The following PTPRD variants were observed in gnomAD, a reference collection of about 807,000 sequenced individuals.
PTPRD encodes the protein protein tyrosine phosphatase receptor type D.
In PTPRD, 34 loss-of-function variants were observed where a neutral mutation model predicts 214.5. The ratio of observed to expected loss-of-function variants is 0.16; its 90% CI spans 0.12 to 0.21. PTPRD has a LOEUF of 0.21. Ranked by LOEUF, PTPRD falls within the 10% of genes least tolerant of loss-of-function variation. The pLI, the probability that PTPRD is intolerant of heterozygous loss-of-function variation, is 1.00. For missense variants in PTPRD, 2,545 were observed against 2,398.7 expected (o/e 1.06, Z -1.27); for synonymous variants, 1,128 against 845.7 (o/e 1.33, Z -5.79).
In PTPRD at chr9:10,220,520, G is replaced by A. The variant is rs563419096; in HGVS notation, c.-545+120443C>T. ...GAAAGTTAAATGGTGAAAACATTTT[G>A]CATCAAATGATTAATAAATCACAAG... On this transcript the variant is annotated intron_variant, in intron 3 of 45. Coordinates refer to ENST00000381196, the MANE Select transcript of PTPRD (RefSeq NM_002839.4). Among the ~76,000 whole-genome samples the A allele has an allele frequency of 3.0e-4, 46 of 151,940 alleles. 1 individual carries two copies. In the South Asian group the frequency reaches 9.1e-3, roughly 30 times the overall value.
chr9:10,014,105 T>C (rs1475649521), intron 4 of PTPRD, among the ~76,000 whole-genome samples: 1 of 151,998 alleles, frequency 6.6e-6, no homozygotes, highest in Admixed American at 6.6e-5. Context: ...AATGGTATCG[T>C]AAAAGACTAG....
chr9:8,390,930 A>G (rs551750763), intron 36 of PTPRD, among the ~76,000 whole-genome samples: 1 of 152,350 alleles, frequency 6.6e-6, no homozygotes, highest in South Asian at 2.1e-4. Context: ...CTACAGAAAC[A>G]TGAATTTCAT....
intron 14 of PTPRD, among the ~76,000 whole-genome samples, chr9:8,613,791 A>C (rs1352852414): frequency 1.3e-5 from 2 of 152,178 alleles, no homozygotes; most frequent in Non-Finnish European, 2.9e-5. Flanking sequence ...CAGTTTCATA[A>C]CTGGTTTAGT....
chr9:9,032,978 T>C (rs1184227708), intron 10 of PTPRD, among the ~76,000 whole-genome samples: 1 of 152,130 alleles, frequency 6.6e-6, no homozygotes, highest in African/African-American at 2.4e-5. Context: ...CTTCATATTA[T>C]TGAAATGTGG....
rs777174424 is a variant in PTPRD at position 8,499,847 on chromosome 9, C to A, written c.2129-7G>T. 9.4e-6 allele frequency: 15 copies of A among 1,600,868 alleles called. No homozygotes were observed. In the Admixed American group the frequency reaches 2.1e-4, roughly 22 times the overall value. On this transcript the variant is annotated splice_region_variant and splice_polypyrimidine_tract_variant and intron_variant, in intron 24 of 45. Transcript: ENST00000381196. ...CGAGGAGGACCACTAGGAACTGGAA[C>A]AACATCATTGGATAAAAGAAATTAT...
chr9:9,328,271 T>C (rs1038183670), intron 9 of PTPRD, among the ~76,000 whole-genome samples: 6 of 152,132 alleles, frequency 3.9e-5, no homozygotes, highest in African/African-American at 1.2e-4. Flanking sequence ...CACTGCCAAA[T>C]AGTGGCATGT....
intron 9 of PTPRD, among the ~76,000 whole-genome samples, chr9:9,387,225 A>C (rs1047701375): frequency 1.6e-4 from 25 of 152,308 alleles, no homozygotes; most frequent in African/African-American, 5.8e-4. Context: ...GACCCAGAGA[A>C]ATAAATGTTT....
At chr9:9,829,093 T>A (rs1476981200) in intron 5 of PTPRD, among the ~76,000 whole-genome samples, 1 of 151,882 alleles carries the variant, frequency 6.6e-6, no homozygotes, top group Non-Finnish European at 1.5e-5. Context: ...AAACATATTT[T>A]ACATTTATCT....
chr9:9,712,488 C>T (rs1276340953), intron 7 of PTPRD, among the ~76,000 whole-genome samples: 1 of 152,150 alleles, frequency 6.6e-6, no homozygotes, highest in Non-Finnish European at 1.5e-5. Flanking sequence ...CAGTCAAAAA[C>T]ACATTGAACC....
At chr9:8,572,335 C>A (rs1335260739) in intron 14 of PTPRD, among the ~76,000 whole-genome samples, 1 of 151,984 alleles carries the variant, frequency 6.6e-6, no homozygotes, top group Non-Finnish European at 1.5e-5. Flanking sequence ...CCATGATATT[C>A]TCTTAACATA....
intron 7 of PTPRD, among the ~76,000 whole-genome samples, chr9:9,662,690 A>G (rs1213899426): frequency 6.6e-6 from 1 of 151,640 alleles, no homozygotes; most frequent in Non-Finnish European, 1.5e-5. Context: ...ACAAAGTAAT[A>G]TTTCTAAAAA....
chr9:8,524,882 G>A (rs765760561), intron 18 of PTPRD, 43 bp downstream of exon 18: 1 of 1,549,368 alleles, frequency 6.5e-7, no homozygotes, highest in Non-Finnish European at 8.9e-7. Flanking sequence ...AACTCCCCCT[G>A]AGCCTGAATG....
At chr9:9,239,154 A>G (rs4617209) in intron 9 of PTPRD, among the ~76,000 whole-genome samples, 13,111 of 151,746 alleles carry the variant, frequency 0.086, 802 homozygotes, top group East Asian at 0.29. Context: ...CACTAGAACT[A>G]TAGATACCTT....
chr9:10,498,725 T>C (rs1426642978), intron 2 of PTPRD, among the ~76,000 whole-genome samples: 1 of 151,704 alleles, frequency 6.6e-6, no homozygotes, highest in Non-Finnish European at 1.5e-5. Flanking sequence ...AATAAACTTA[T>C]AAGAAAAAAA....
chr9:9,458,247 C>G (rs2093282296), intron 8 of PTPRD, among the ~76,000 whole-genome samples: 1 of 151,842 alleles, frequency 6.6e-6, no homozygotes, highest in South Asian at 2.1e-4. Context: ...GTAAACAATT[C>G]AAGTGTACAA....
intron 8 of PTPRD, among the ~76,000 whole-genome samples, chr9:9,542,266 T>C (rs932845358): frequency 1.3e-5 from 2 of 151,648 alleles, no homozygotes; most frequent in Admixed American, 1.3e-4. Context: ...GTAATTTAGG[T>C]GACAAACAGG....
chr9:10,265,747 C>A (rs1281494940), intron 3 of PTPRD, among the ~76,000 whole-genome samples: 2 of 152,278 alleles, frequency 1.3e-5, no homozygotes, highest in South Asian at 2.1e-4. Flanking sequence ...GATCCATAGG[C>A]AACAGTTTGC....
rs2130707173 is a variant in PTPRD, at chr9:8,319,880, T to C, written c.5621A>G (p.Gln1874Arg). 1 of 1,613,118 alleles carries C rather than the reference T, an allele frequency of 6.2e-7. No homozygotes were observed. Among genetic ancestry groups the C allele is most frequent in the Non-Finnish European group, 8.5e-7 (1 of 1,179,436 alleles). Residue 1874 changes from glutamine to arginine, a missense_variant, in exon 45 of 46, where the codon CAG becomes CGG. By Grantham distance (43) the Gln-to-Arg change is conservative (BLOSUM62 1). Coordinates refer to ENST00000381196, the MANE Select transcript of PTPRD (RefSeq NM_002839.4). ...TTGTGTTCTTAACATTTTGACAGTCTGGAAGATATCTACAACTCCTTCATA... is the reference window on the plus strand; with the variant it reads ...TTGTGTTCTTAACATTTTGACAGTCCGGAAGATATCTACAACTCCTTCATA... ...MRYEGVVDIF[Q>R]TVKMLRTQRP...
At chr9:10,512,986 A>T (rs2048803952) in intron 2 of PTPRD, among the ~76,000 whole-genome samples, 1 of 152,148 alleles carries the variant, frequency 6.6e-6, no homozygotes, top group Non-Finnish European at 1.5e-5. Context: ...AAATGAAAGA[A>T]CTACCAGTTT....
Sources: gnomAD v4.1 joint callset for allele counts (sites outside exome capture counted in the v4.1 genomes callset) on GRCh38, gnomAD v4.1.1 for gene constraint, MANE v1.5 for transcripts, NCBI Gene and HGNC (gene_info 2026-07-23, HGNC 2026-07-21) for gene names.